Variants in PTPN4 observed in about 807,000 individuals in gnomAD.
PTPN4 encodes tyrosine-protein phosphatase non-receptor type 4.
PTPN4 carries 49 observed loss-of-function variants against 135.5 expected under a neutral mutation model. The ratio of observed to expected loss-of-function variants is 0.36; its 90% CI spans 0.29 to 0.46. The LOEUF is 0.46. PTPN4 is among the 20% of genes least tolerant of loss of function. The probability of loss-of-function intolerance (pLI) is 1.00; values close to 1 mark genes in which losing one functional copy is unlikely to be tolerated. For synonymous variants in PTPN4, 333 were observed against 369.9 expected (o/e 0.90, Z 1.14); for missense variants, 860 against 1,101.0 (o/e 0.78, Z 3.10).
intron 1 of PTPN4, among the ~76,000 whole-genome samples, chr2:119,779,344 G>A (rs1014682371): frequency 6.6e-6 from 1 of 152,180 alleles, no homozygotes; most frequent in East Asian, 1.9e-4. Context: ...TCGGCTGGGC[G>A]CGGTGGCTCA....
At chr2:119,966,924 AT>A (rs1169245802) in intron 25 of PTPN4, among the ~76,000 whole-genome samples, 5 of 152,212 alleles carry the variant, frequency 3.3e-5, no homozygotes, top group African/African-American at 1.2e-4. Context: ...TTGTTAAGTG[AT>A]TTATTCAGAG....
chr2:119,952,078 G>C lies in PTPN4; in HGVS notation c.1762G>C (p.Ala588Pro). Residue 588 changes from alanine (A) to proline (P), a missense_variant, in exon 19 of 27, where the codon GCT (alanine) becomes CCT (proline). Around this residue, in one of 2 missense-constraint regions of PTPN4, gnomAD observed 684 missense variants for 807.0 expected, o/e 0.85. Transcript: ENST00000263708. ...TGATCAGGTTGTGCTGTTTATTAAA[G>C]CTAGTTGTGAGAGACATTCTGGGGA... ...THDQVVLFIK[A>P]SCERHSGELM... The C allele has an allele frequency of 6.2e-7, 1 of 1,613,414 alleles. No individual in the cohort carries two copies.
chr2:119,774,888 A>G (rs1012223999), intron 1 of PTPN4, among the ~76,000 whole-genome samples: 6 of 151,934 alleles, frequency 3.9e-5, no homozygotes, highest in African/African-American at 1.5e-4. Context: ...GCATGGTGGC[A>G]TGTGCCTTTA....
At chr2:119,891,522 A>C (rs1047599556) in intron 9 of PTPN4, among the ~76,000 whole-genome samples, 2 of 152,010 alleles carry the variant, frequency 1.3e-5, no homozygotes, top group Admixed American at 6.5e-5. Flanking sequence ...ATGGGGTTTC[A>C]CCACGTTGGA....
chr2:119,844,824 A>G (rs1398643137), intron 2 of PTPN4, among the ~76,000 whole-genome samples: 2 of 145,730 alleles, frequency 1.4e-5, no homozygotes, highest in East Asian at 4.0e-4. Flanking sequence ...GGCCAGGCAG[A>G]GACACTCCTC....
At chr2:119,892,439 A>G (rs997449581) in intron 9 of PTPN4, among the ~76,000 whole-genome samples, 2 of 152,242 alleles carry the variant, frequency 1.3e-5, no homozygotes, top group Non-Finnish European at 2.9e-5. Context: ...AGATATTGAT[A>G]GATGCTATGA....
intron 2 of PTPN4, among the ~76,000 whole-genome samples, chr2:119,848,395 A>T (rs1462787180): frequency 6.6e-6 from 1 of 151,642 alleles, no homozygotes. Context: ...GGATGGTCTC[A>T]ATCTCCTGAC....
chr2:119,797,712 C>G (rs892400207), intron 1 of PTPN4, among the ~76,000 whole-genome samples: 1 of 152,048 alleles, frequency 6.6e-6, no homozygotes, highest in Non-Finnish European at 1.5e-5. Context: ...AAAAAATAAA[C>G]TAAGTTTTTG....
chr2:119,852,576 C>T (rs1001721913), intron 2 of PTPN4, among the ~76,000 whole-genome samples: 1 of 152,114 alleles, frequency 6.6e-6, no homozygotes, highest in African/African-American at 2.4e-5. Flanking sequence ...TTGTTAATTT[C>T]ATTGATCTTT....
intron 23 of PTPN4, 38 bp downstream of exon 23, chr2:119,960,991 T>C (rs907852195): frequency 1.9e-6 from 3 of 1,591,986 alleles, no homozygotes; most frequent in Non-Finnish European, 1.7e-6. Context: ...GCTTGGACTT[T>C]TTTCAAATTA....
chr2:119,810,092 GTC>G, intron 2 of PTPN4, 101 bp downstream of exon 2: 1 of 1,335,358 alleles, frequency 7.5e-7, no homozygotes, highest in Non-Finnish European at 1.0e-6. Flanking sequence ...AGTTTGAAAA[GTC>G]TTATTCAAGT....
At chr2:119,950,203 A>G (rs1240734678) in intron 18 of PTPN4, among the ~76,000 whole-genome samples, 1 of 152,156 alleles carries the variant, frequency 6.6e-6, no homozygotes, top group Non-Finnish European at 1.5e-5. Flanking sequence ...CCCCAGTACC[A>G]TTGGCTCCCA....
chr2:119,914,248 A>ATTTTTTTTTT lies in PTPN4; in HGVS notation c.765-912_765-903dup, dbSNP rs55911315. On this transcript the variant is annotated intron_variant, in intron 10 of 26. Transcript: ENST00000263708. The stretch of plus-strand genomic sequence containing the variant: ...CATAAATACAGTCAATAGTTACTCA[A>ATTTTTTTTTT]TTTTTTTTTTTTTTTTTTTTTTTTT... Among the ~76,000 whole-genome samples the ATTTTTTTTTT allele has an allele frequency of 1.6e-3, 157 of 97,404 alleles. 18 individuals are homozygous for ATTTTTTTTTT. Among genetic ancestry groups the ATTTTTTTTTT allele is most frequent in the African/African-American group, 8.7e-3 (149 of 17,048 alleles). 63.9% of individuals were successfully genotyped at this position (97,404 alleles called of 152,430 possible).
At chr2:119,845,396 TCTTTA>T (rs1677481769) in intron 2 of PTPN4, among the ~76,000 whole-genome samples, 2 of 152,204 alleles carry the variant, frequency 1.3e-5, no homozygotes, top group Admixed American at 6.5e-5. Flanking sequence ...TAATTCAGTC[TCTTTA>T]CTTATGATAG....
intron 9 of PTPN4, 83 bp from the exon 10 acceptor site, chr2:119,900,635 A>G: frequency 1.2e-6 from 1 of 853,088 alleles, no homozygotes; most frequent in Non-Finnish European, 1.7e-6. Flanking sequence ...TTAGTTTTAA[A>G]AATAGAATCC....
chr2:119,918,098 CAT>C (rs1283563459), intron 11 of PTPN4, among the ~76,000 whole-genome samples: 2 of 152,148 alleles, frequency 1.3e-5, no homozygotes, highest in Non-Finnish European at 2.9e-5. Context: ...TATGGTAAAA[CAT>C]ATGAACTATA....
intron 2 of PTPN4, among the ~76,000 whole-genome samples, chr2:119,856,134 G>A (rs1677677036): frequency 6.6e-6 from 1 of 152,096 alleles, no homozygotes; most frequent in African/African-American, 2.4e-5. Flanking sequence ...AGTCAACATG[G>A]TGACTTAGAG....
At chr2:119,939,628 C>G (rs1679032990) in intron 15 of PTPN4, among the ~76,000 whole-genome samples, 2 of 152,096 alleles carry the variant, frequency 1.3e-5, no homozygotes. Flanking sequence ...AAATCCAGTT[C>G]CCCGAGCCAT....
intron 26 of PTPN4, among the ~76,000 whole-genome samples, chr2:119,976,248 T>C (rs577489386): frequency 2.0e-5 from 3 of 152,114 alleles, no homozygotes; most frequent in Middle Eastern, 3.4e-3. Context: ...CCACCCACCT[T>C]GGCCTCCCAA....
Sources: gnomAD v4.1 joint callset for allele counts (sites outside exome capture counted in the v4.1 genomes callset) on GRCh38, gnomAD v4.1.1 for gene constraint, gnomAD v4.1.1 regional missense constraint, MANE v1.5 for transcripts, NCBI Gene and HGNC (gene_info 2026-07-23, HGNC 2026-07-21) for gene names.